Variants in COLEC10 observed in about 807,000 individuals in gnomAD.
COLEC10 encodes collectin-10.
COLEC10 carries 22 observed loss-of-function variants against 28.4 expected under a neutral mutation model. That is an observed-to-expected ratio of 0.78 (90% confidence interval 0.55 to 1.11). The LOEUF is 1.11. Ranked by LOEUF, COLEC10 falls within the 50% of genes least tolerant of loss-of-function variation. The probability of loss-of-function intolerance (pLI) is 0.00; values close to 1 mark genes in which losing one functional copy is unlikely to be tolerated. For missense variants in COLEC10, 361 were observed against 344.1 expected (o/e 1.05, Z -0.39); for synonymous variants, 125 against 116.1 (o/e 1.08, Z -0.49).
intron 2 of COLEC10, among the ~76,000 whole-genome samples, chr8:119,048,176 A>T (rs1479158470): frequency 6.6e-6 from 1 of 152,094 alleles, no homozygotes; most frequent in Non-Finnish European, 1.5e-5. Context: ...TGCAGTGTCT[A>T]TTGTTCCCAT....
rs985042494 is a variant in COLEC10, at chr8:119,007,528, A to G, written n.123-1913A>G. Among the ~76,000 whole-genome samples, 2 of 151,200 alleles carry G rather than the reference A, an allele frequency of 1.3e-5. 1 individual carries two copies. The highest frequency in any genetic ancestry group is 4.9e-5 in the African/African-American group (2 of 40,550). On this transcript the variant is annotated intron_variant and non_coding_transcript_variant, in intron 1 of 6. Coordinates refer to the COLEC10 transcript ENST00000521788. ...GCTTTCTAAAAAGTTTAATCATGGA[A>G]CAATGGAAATGAGCTGCTTTTGGAA...
intron 2 of COLEC10, among the ~76,000 whole-genome samples, chr8:119,049,044 C>T (rs1389436441): frequency 7.9e-5 from 12 of 152,152 alleles, no homozygotes; most frequent in Non-Finnish European, 5.9e-5. Flanking sequence ...AATGTATTCC[C>T]TCAGCATTTG....
chr8:119,108,124 T>C lies in COLEC10; in HGVS notation c.*1933T>C, dbSNP rs1160965507. Among the ~76,000 whole-genome samples the C allele has an allele frequency of 6.6e-6, 1 of 152,156 alleles. No homozygotes were observed. Among genetic ancestry groups the C allele is most frequent in the Non-Finnish European group, 1.5e-5 (1 of 68,026 alleles). On this transcript the variant is annotated 3_prime_UTR_variant, in exon 6 of 6. Transcript: ENST00000332843. ...GTTTGACATTTATCAGGTTACTAGT[T>C]AAACTCTTTTGAGATGATAGTACAT...
chr8:119,044,337 A>C (rs1385449156), intron 2 of COLEC10, among the ~76,000 whole-genome samples: 1 of 152,208 alleles, frequency 6.6e-6, no homozygotes, highest in Non-Finnish European at 1.5e-5. Flanking sequence ...TGGGATTTTG[A>C]AAAGTGGGCG....
At chr8:119,049,872 A>G (rs1487494001) in intron 2 of COLEC10, among the ~76,000 whole-genome samples, 1 of 152,206 alleles carries the variant, frequency 6.6e-6, no homozygotes, top group Admixed American at 6.5e-5. Flanking sequence ...AGGGAATTCA[A>G]TTATCTAAAA....
chr8:119,065,385 AT>A (rs371209166), upstream of COLEC10, among the ~76,000 whole-genome samples: 1 of 152,216 alleles, frequency 6.6e-6, no homozygotes, highest in African/African-American at 2.4e-5. Flanking sequence ...GTTGCCTGAT[AT>A]TTAGGAGAAT....
intron 1 of COLEC10, among the ~76,000 whole-genome samples, chr8:119,005,245 C>T (rs1813773813): frequency 6.6e-6 from 1 of 152,074 alleles, no homozygotes; most frequent in Non-Finnish European, 1.5e-5. Flanking sequence ...CTGAGCAAAC[C>T]ATGACATATA....
At chr8:119,043,027 A>G (rs776353654) in intron 2 of COLEC10, among the ~76,000 whole-genome samples, 1 of 152,184 alleles carries the variant, frequency 6.6e-6, no homozygotes, top group East Asian at 1.9e-4. Context: ...GACTTGAGGA[A>G]CTTTGGAAAT....
At chr8:119,080,575 G>A (rs1227438495) in intron 1 of COLEC10, among the ~76,000 whole-genome samples, 1 of 152,038 alleles carries the variant, frequency 6.6e-6, no homozygotes, top group Non-Finnish European at 1.5e-5. Flanking sequence ...GGACTTGTGG[G>A]TAGGATTTAT....
At chr8:118,996,376 T>C (rs1813590352) in intron 1 of COLEC10, among the ~76,000 whole-genome samples, 1 of 152,200 alleles carries the variant, frequency 6.6e-6, no homozygotes, top group African/African-American at 2.4e-5. Context: ...GATAAATACC[T>C]AGAACTAGGA....
At chr8:119,044,857 A>G (rs1299765021) in intron 2 of COLEC10, among the ~76,000 whole-genome samples, 1 of 151,824 alleles carries the variant, frequency 6.6e-6, no homozygotes. Context: ...AAAAAAAAAA[A>G]GAAACCACAA....
chr8:119,087,120 G>T (rs1815495572), intron 1 of COLEC10, among the ~76,000 whole-genome samples: 1 of 152,154 alleles, frequency 6.6e-6, no homozygotes, highest in African/African-American at 2.4e-5. Context: ...CAAACTATTT[G>T]ATAAATACTG....
intron 2 of COLEC10, among the ~76,000 whole-genome samples, chr8:119,031,034 G>A (rs1488765454): frequency 6.6e-6 from 1 of 152,186 alleles, no homozygotes; most frequent in Non-Finnish European, 1.5e-5. Flanking sequence ...GTAGAGTGAT[G>A]CCAGTGTTAC....
At chr8:119,082,010 C>T (rs531729163) in intron 1 of COLEC10, among the ~76,000 whole-genome samples, 47 of 152,152 alleles carry the variant, frequency 3.1e-4, no homozygotes, top group African/African-American at 1.1e-3. Flanking sequence ...AATATGGTTA[C>T]AGCATAAAGA....
rs546984394 is a variant in COLEC10 at position 119,014,641 on chromosome 8, AT to A, written n.235+5092del. Among the ~76,000 whole-genome samples, 144 of 150,528 alleles carry A rather than the reference AT, an allele frequency of 9.6e-4. 1 individual carries two copies. The highest frequency in any genetic ancestry group is 7.7e-3 in the South Asian group (37 of 4,812). ...AATAATTTGGGGGAAATTATCAAAT[AT>A]TTTCTCTGTTCTTTTCTCTCTTTCT... On this transcript the variant is annotated intron_variant and non_coding_transcript_variant, in intron 2 of 6. Coordinates refer to the COLEC10 transcript ENST00000521788.
At chr8:119,092,594 G>T (rs1157402457) in intron 3 of COLEC10, among the ~76,000 whole-genome samples, 2 of 152,090 alleles carry the variant, frequency 1.3e-5, no homozygotes, top group Non-Finnish European at 2.9e-5. Context: ...GACTATTCAG[G>T]AAGATAGAAC....
At chr8:119,065,316 G>A (rs924485355), upstream of COLEC10, among the ~76,000 whole-genome samples, 7 of 151,990 alleles carry the variant, frequency 4.6e-5, no homozygotes, top group Non-Finnish European at 8.8e-5. Context: ...GATCAGCAGC[G>A]GCATTAGATT....
intron 2 of COLEC10, among the ~76,000 whole-genome samples, chr8:119,053,684 G>T (rs972863835): frequency 2.2e-5 from 2 of 91,518 alleles, no homozygotes; most frequent in Non-Finnish European, 4.0e-5. Flanking sequence ...TAAAAAAAAA[G>T]GTGGGGGGGG....
intron 1 of COLEC10, among the ~76,000 whole-genome samples, chr8:119,087,769 C>T (rs1021206273): frequency 6.6e-5 from 10 of 152,040 alleles, no homozygotes; most frequent in Non-Finnish European, 1.0e-4. Context: ...AAAGGGACAA[C>T]GGTATACCAT....
Sources: allele counts gnomAD v4.1 joint callset (sites outside exome capture counted in the v4.1 genomes callset), GRCh38; gene constraint gnomAD v4.1.1; transcripts MANE v1.5; gene names NCBI Gene and HGNC (gene_info 2026-07-23, HGNC 2026-07-21).